The following CDH23 variants were observed in gnomAD, a reference collection of about 807,000 sequenced individuals.
The protein encoded by CDH23 is cadherin related 23.
Under a neutral mutation model 317.1 loss-of-function variants are expected in CDH23, and 189 were observed. The observed-to-expected ratio is 0.60, with a 90% CI of 0.53 to 0.67. CDH23 has a LOEUF of 0.67. Ranked by LOEUF, CDH23 falls within the 30% of genes least tolerant of loss-of-function variation. The probability of loss-of-function intolerance (pLI) is 0.00; values close to 1 mark genes in which losing one functional copy is unlikely to be tolerated. For synonymous variants in CDH23, 1,839 were observed against 1,876.8 expected (o/e 0.98, Z 0.52); for missense variants, 4,401 against 4,592.4 (o/e 0.96, Z 1.20).
intron 1 of CDH23, among the ~76,000 whole-genome samples, chr10:71,407,311 A>T (rs1362478450): frequency 6.6e-6 from 1 of 152,110 alleles, no homozygotes; most frequent in Non-Finnish European, 1.5e-5. Flanking sequence ...CAGCCCTGCC[A>T]GGTGTGTTTA....
intron 6 of CDH23, among the ~76,000 whole-genome samples, chr10:71,534,902 A>G (rs940794938): frequency 6.6e-6 from 1 of 152,104 alleles, no homozygotes; most frequent in East Asian, 1.9e-4. Flanking sequence ...CCTGGTTTGG[A>G]CAGGCTGAGG....
At chr10:71,440,585 G>A (rs2132007247) in intron 2 of CDH23, among the ~76,000 whole-genome samples, 1 of 152,318 alleles carries the variant, frequency 6.6e-6, no homozygotes, top group East Asian at 1.9e-4. Context: ...AGCTATGGCA[G>A]CCAGGAGCCT....
At chr10:71,681,675 G>T (rs767887580) in intron 17 of CDH23, among the ~76,000 whole-genome samples, 1 of 152,194 alleles carries the variant, frequency 6.6e-6, no homozygotes, top group South Asian at 2.1e-4. Context: ...AGTGGCTCAC[G>T]CCTGTAATCC....
intron 3 of CDH23, among the ~76,000 whole-genome samples, chr10:71,475,958 T>C (rs1228294279): frequency 6.6e-6 from 1 of 152,202 alleles, no homozygotes; most frequent in Non-Finnish European, 1.5e-5. Flanking sequence ...GGGCCTCAGT[T>C]TCCACTCTTC....
chr10:71,404,862 T>C (rs1025841398), intron 1 of CDH23, among the ~76,000 whole-genome samples: 4 of 152,198 alleles, frequency 2.6e-5, no homozygotes, highest in Non-Finnish European at 5.9e-5. Context: ...CATGCTCCAT[T>C]TGGAGAGGAC....
At chr10:71,506,833 G>A (rs1853665293) in intron 3 of CDH23, among the ~76,000 whole-genome samples, 1 of 152,180 alleles carries the variant, frequency 6.6e-6, no homozygotes, top group East Asian at 1.9e-4. Context: ...CACAAAGAAG[G>A]CATGAGCAGG....
chr10:71,731,460 C>T (rs1839382544), intron 31 of CDH23, among the ~76,000 whole-genome samples: 1 of 152,174 alleles, frequency 6.6e-6, no homozygotes, highest in Non-Finnish European at 1.5e-5. Context: ...CTGTGAACTT[C>T]AGCTTAGGAA....
chr10:71,716,505 C>G (rs576860560), intron 28 of CDH23: 1 of 577,002 alleles, frequency 1.7e-6, no homozygotes, highest in Non-Finnish European at 3.0e-6. Flanking sequence ...CCAGAGACAT[C>G]ACAAGTCTAA....
intron 3 of CDH23, among the ~76,000 whole-genome samples, chr10:71,475,605 C>T (rs942280206): frequency 1.1e-4 from 17 of 152,230 alleles, no homozygotes; most frequent in South Asian, 4.1e-4. Context: ...TGTATGCCCG[C>T]GTGACAATTG....
chr10:71,449,409 G>A (rs547436699), intron 3 of CDH23, among the ~76,000 whole-genome samples: 6 of 152,216 alleles, frequency 3.9e-5, no homozygotes, highest in Non-Finnish European at 5.9e-5. Flanking sequence ...GCTGTGGGAC[G>A]GTTCCAGGAA....
chr10:71,428,130 T>C (rs1348957569), intron 1 of CDH23, among the ~76,000 whole-genome samples: 1 of 85,780 alleles, frequency 1.2e-5, no homozygotes, highest in African/African-American at 3.7e-5. Context: ...AACACTTGTT[T>C]CTTTCTTTCT....
At chr10:71,702,730 G>A (rs2132733637) in intron 24 of CDH23, 36 bp downstream of exon 24, 2 of 1,612,440 alleles carry the variant, frequency 1.2e-6, no homozygotes, top group South Asian at 1.1e-5. Flanking sequence ...CCAGCCCAGA[G>A]GTGGGCAGTG....
chr10:71,765,985 C>T (rs1840533089), intron 38 of CDH23, among the ~76,000 whole-genome samples: 1 of 152,156 alleles, frequency 6.6e-6, no homozygotes, highest in Non-Finnish European at 1.5e-5. Flanking sequence ...ACAAGGCCCA[C>T]AGCAGCCTGT....
At chr10:71,455,064 A>G (rs56710943) in intron 3 of CDH23, among the ~76,000 whole-genome samples, 2,377 of 151,832 alleles carry the variant, frequency 0.016, 73 homozygotes, top group African/African-American at 0.054. Context: ...CTAGTCTCGA[A>G]CTCCTGGCTT....
intron 3 of CDH23, among the ~76,000 whole-genome samples, chr10:71,451,779 T>G (rs34301891): frequency 0.34 from 52,264 of 152,192 alleles, 11,142 homozygotes; most frequent in East Asian, 0.48. Context: ...GCCATCACTG[T>G]GTCCCCAGGG....
chr10:71,583,655 C>A (rs981767249), intron 9 of CDH23, among the ~76,000 whole-genome samples: 1 of 152,118 alleles, frequency 6.6e-6, no homozygotes, highest in Admixed American at 6.5e-5. Flanking sequence ...TCTCTTCTTG[C>A]CGCCCACATC....
intron 11 of CDH23, among the ~76,000 whole-genome samples, chr10:71,623,248 A>T (rs556101113): frequency 6.6e-6 from 1 of 152,342 alleles, no homozygotes; most frequent in South Asian, 2.1e-4. Flanking sequence ...GTTGGAGCTG[A>T]GGTTAAGTGG....
At chr10:71,595,802 C>T (rs1056136690) in intron 9 of CDH23, among the ~76,000 whole-genome samples, 2 of 152,194 alleles carry the variant, frequency 1.3e-5, no homozygotes, top group African/African-American at 4.8e-5. Flanking sequence ...CCAGGTTATG[C>T]GTGGCACTGC....
At chr10:71,803,111 G>C in intron 54 of CDH23, 36 bp downstream of exon 54, 1 of 1,601,846 alleles carries the variant, frequency 6.2e-7, no homozygotes, top group Non-Finnish European at 8.5e-7. Context: ...TGATGTCTTG[G>C]GGGGTGGGAG....
Sources: allele counts gnomAD v4.1 joint callset (sites outside exome capture counted in the v4.1 genomes callset), GRCh38; gene constraint gnomAD v4.1.1; transcripts MANE v1.5; gene names NCBI Gene and HGNC (gene_info 2026-07-23, HGNC 2026-07-21).